DLEU7: variants seen among roughly 807,000 people sequenced by gnomAD.
DLEU7 encodes the protein leukemia-associated protein 7.
Under a neutral mutation model 16.0 loss-of-function variants are expected in DLEU7, and 17 were observed. That is an observed-to-expected ratio of 1.06 (90% CI 0.73 to 1.59). DLEU7 has a LOEUF of 1.59. DLEU7 is among the 40% of genes most tolerant of loss of function. The probability of loss-of-function intolerance (pLI) is 0.00; values close to 1 mark genes in which losing one functional copy is unlikely to be tolerated. For synonymous variants in DLEU7, 113 were observed against 139.8 expected, an observed-to-expected ratio of 0.81 and a Z score of 1.35; for missense variants, 308 against 314.9, an observed-to-expected ratio of 0.98 and a Z score of 0.17.
chr13:50,727,934 C>T (rs1208858354), intron 1 of DLEU7, among the ~76,000 whole-genome samples: 1 of 152,234 alleles, frequency 6.6e-6, no homozygotes, highest in Admixed American at 6.5e-5. Context: ...AGGTAAGTCA[C>T]CTTGGGAATC....
At chr13:50,753,351 A>G (rs1874640956) in intron 1 of DLEU7, among the ~76,000 whole-genome samples, 1 of 152,242 alleles carries the variant, frequency 6.6e-6, no homozygotes, top group Non-Finnish European at 1.5e-5. Context: ...GGCGCCCTGG[A>G]GCAGGGGGCG....
intron 1 of DLEU7, among the ~76,000 whole-genome samples, chr13:50,804,420 T>C (rs565357076): frequency 6.9e-6 from 1 of 144,032 alleles, no homozygotes; most frequent in Non-Finnish European, 1.5e-5. Context: ...TTTTATGGGG[T>C]TTTTTTTTTT....
At chr13:50,734,632 T>C (rs1290148140) in intron 1 of DLEU7, among the ~76,000 whole-genome samples, 1 of 151,732 alleles carries the variant, frequency 6.6e-6, no homozygotes, top group Non-Finnish European at 1.5e-5. Flanking sequence ...AAATACCCAA[T>C]CTGAAGAACA....
intron 1 of DLEU7, among the ~76,000 whole-genome samples, chr13:50,814,938 T>G (rs911423460): frequency 1.3e-5 from 2 of 151,988 alleles, no homozygotes; most frequent in Admixed American, 6.6e-5. Flanking sequence ...CTCCATGTAC[T>G]AGATTTTGCC....
chr13:50,767,467 A>C (rs1322473040), intron 1 of DLEU7, among the ~76,000 whole-genome samples: 1 of 151,596 alleles, frequency 6.6e-6, no homozygotes, highest in Non-Finnish European at 1.5e-5. Context: ...AAAAAAAAAA[A>C]AAAAAAAAAA....
intron 1 of DLEU7, among the ~76,000 whole-genome samples, chr13:50,753,545 G>A (rs1409872587): frequency 2.6e-5 from 4 of 152,234 alleles, no homozygotes; most frequent in African/African-American, 7.2e-5. Flanking sequence ...ACAGCCGCTG[G>A]CCCGGTTGCT....
chr13:50,716,583 A>G (rs1420004590), intron 1 of DLEU7, among the ~76,000 whole-genome samples: 3 of 152,228 alleles, frequency 2.0e-5, no homozygotes, highest in African/African-American at 7.2e-5. Flanking sequence ...CACTAACTAT[A>G]TACACGTGGG....
intron 1 of DLEU7, among the ~76,000 whole-genome samples, chr13:50,738,142 A>T (rs1007002567): frequency 6.6e-6 from 1 of 152,214 alleles, no homozygotes; most frequent in Non-Finnish European, 1.5e-5. Flanking sequence ...AGGCTAAGAA[A>T]GCTGCAGAAG....
chr13:50,771,486 A>G (rs930367931), intron 1 of DLEU7, among the ~76,000 whole-genome samples: 1 of 152,208 alleles, frequency 6.6e-6, no homozygotes, highest in Non-Finnish European at 1.5e-5. Context: ...TTGGTTTCAA[A>G]GAACATCTTT....
intron 1 of DLEU7, among the ~76,000 whole-genome samples, chr13:50,779,673 A>G (rs1875599838): frequency 1.3e-5 from 2 of 152,096 alleles, no homozygotes; most frequent in Admixed American, 6.5e-5. Flanking sequence ...CCCAGGTCTC[A>G]CGGATTGGTC....
intron 1 of DLEU7, among the ~76,000 whole-genome samples, chr13:50,760,911 A>G (rs1329004658): frequency 1.3e-5 from 2 of 152,186 alleles, no homozygotes; most frequent in African/African-American, 2.4e-5. Flanking sequence ...AGTGGGGCCT[A>G]TGATTCATTT....
intron 1 of DLEU7, among the ~76,000 whole-genome samples, chr13:50,719,149 C>G (rs1185197374): frequency 3.3e-5 from 5 of 152,142 alleles, no homozygotes; most frequent in Non-Finnish European, 5.9e-5. Flanking sequence ...CCGTCACTTG[C>G]AATGTGGAAG....
intron 1 of DLEU7, among the ~76,000 whole-genome samples, chr13:50,772,300 C>G (rs1017840901): frequency 6.6e-6 from 1 of 152,116 alleles, no homozygotes; most frequent in African/African-American, 2.4e-5. Flanking sequence ...GAATTCAATC[C>G]TGTCTTTATG....
intron 1 of DLEU7, among the ~76,000 whole-genome samples, chr13:50,835,295 G>T (rs1877418003): frequency 6.6e-6 from 1 of 152,182 alleles, no homozygotes; most frequent in Admixed American, 6.5e-5. Context: ...ATGTAGTGTG[G>T]GAGACAAGAC....
intron 1 of DLEU7, among the ~76,000 whole-genome samples, chr13:50,741,501 C>CA (rs1414743789): frequency 1.3e-5 from 2 of 152,128 alleles, no homozygotes; most frequent in African/African-American, 4.8e-5. Flanking sequence ...AGTTCTTATA[C>CA]AAAAATAAAT....
chr13:50,781,627 T>C (rs1875650020), intron 1 of DLEU7, among the ~76,000 whole-genome samples: 1 of 152,180 alleles, frequency 6.6e-6, no homozygotes, highest in Admixed American at 6.5e-5. Flanking sequence ...CTGGAGCCCT[T>C]TTTATGGCTC....
At chr13:50,818,865 CCTT>C (rs1876809997), downstream of DLEU7, among the ~76,000 whole-genome samples, 2 of 152,118 alleles carry the variant, frequency 1.3e-5, no homozygotes, top group South Asian at 4.1e-4. Flanking sequence ...TCTCCCTTTG[CCTT>C]CTTCTTATAA....
At chr13:50,838,531 C>G (rs907800187) in intron 1 of DLEU7, among the ~76,000 whole-genome samples, 1 of 152,178 alleles carries the variant, frequency 6.6e-6, no homozygotes, top group Non-Finnish European at 1.5e-5. Flanking sequence ...GTCCTGCACA[C>G]TTCTATGCTC....
chr13:50,753,571 C>T (rs1022115271), intron 1 of DLEU7, among the ~76,000 whole-genome samples: 12 of 152,226 alleles, frequency 7.9e-5, no homozygotes, highest in African/African-American at 2.2e-4. Context: ...CCTCATTGCC[C>T]GGGGCCAGCA....
Sources: allele counts gnomAD v4.1 joint callset (sites outside exome capture counted in the v4.1 genomes callset), GRCh38; gene constraint gnomAD v4.1.1; transcripts MANE v1.5; gene names NCBI Gene and HGNC (gene_info 2026-07-23, HGNC 2026-07-21).